The following RABGAP1L variants were observed in gnomAD, a reference collection of about 807,000 sequenced individuals.
The protein encoded by RABGAP1L is RAB GTPase activating protein 1 like.
In RABGAP1L, 63 loss-of-function variants were observed where a neutral mutation model predicts 137.7. The ratio of observed to expected loss-of-function variants is 0.46; its 90% confidence interval spans 0.37 to 0.56. The LOEUF (loss-of-function observed/expected upper bound fraction) is 0.56, where lower values mean the gene tolerates loss of function less well. Among genes scored for constraint, RABGAP1L ranks in the 20% least tolerant of loss-of-function variants. RABGAP1L has a pLI of 0.00. For missense variants in RABGAP1L, 1,095 were observed against 1,244.0 expected, an observed-to-expected ratio of 0.88 and a Z score of 1.80; for synonymous variants, 431 against 433.7, an observed-to-expected ratio of 0.99 and a Z score of 0.08.
chr1:174,581,325 G>T (rs910592751), intron 13 of RABGAP1L, among the ~76,000 whole-genome samples: 1 of 152,142 alleles, frequency 6.6e-6, no homozygotes, highest in African/African-American at 2.4e-5. Flanking sequence ...CATCCAAAAC[G>T]TTATAGTCAT....
chr1:174,889,364 C>T (rs148580005), intron 19 of RABGAP1L, among the ~76,000 whole-genome samples: 9 of 152,064 alleles, frequency 5.9e-5, no homozygotes, highest in East Asian at 1.9e-4. Context: ...CCTTGTGGTC[C>T]GCCCGCCTCA....
chr1:174,163,964 A>G (rs1221496388), intron 1 of RABGAP1L, among the ~76,000 whole-genome samples: 1 of 152,172 alleles, frequency 6.6e-6, no homozygotes, highest in Non-Finnish European at 1.5e-5. Flanking sequence ...TGATTGGGAA[A>G]CATCAGGCAT....
chr1:174,809,184 A>ATG (rs546497325), intron 18 of RABGAP1L, among the ~76,000 whole-genome samples: 6 of 152,166 alleles, frequency 3.9e-5, no homozygotes, highest in Non-Finnish European at 7.3e-5. Flanking sequence ...TGGTTGCCAG[A>ATG]TCTCTTCTCT....
In RABGAP1L at chr1:174,168,353, G is replaced by GTT. The variant is rs1340053922; in HGVS notation, c.-34+8697_-34+8698dup. Among the ~76,000 whole-genome samples the GTT allele has an allele frequency of 2.6e-5, 4 of 151,628 alleles. No individual in the cohort carries two copies. The East Asian group carries it at 7.7e-4, about 29-fold the overall frequency. On this transcript the variant is annotated intron_variant, in intron 1 of 25. Coordinates refer to ENST00000681986, the MANE Select transcript of RABGAP1L (RefSeq NM_001366446.1). ...TTGAAAAATCAACCATTGAAGGGAGGTTATATATATATTGGCAGACAGTAG... is the reference window on the plus strand; with the variant it reads ...TTGAAAAATCAACCATTGAAGGGAGGTTTTATATATATATTGGCAGACAGTAG...
chr1:174,198,526 T>G (rs185723081), intron 1 of RABGAP1L, among the ~76,000 whole-genome samples: 15 of 152,312 alleles, frequency 9.8e-5, no homozygotes, highest in African/African-American at 3.4e-4. Flanking sequence ...AGTATTTAGA[T>G]TTATTTGATT....
At chr1:174,234,675 T>A (rs1226963458) in intron 4 of RABGAP1L, among the ~76,000 whole-genome samples, 2 of 151,288 alleles carry the variant, frequency 1.3e-5, no homozygotes, top group African/African-American at 2.4e-5. Context: ...TGTAGCCTTG[T>A]AGTATAGTTT....
rs1391122638 is a variant in RABGAP1L at position 174,377,935 on chromosome 1, C to G, written c.1559+6863C>G. On this transcript the variant is annotated intron_variant, in intron 12 of 25. Coordinates refer to ENST00000681986, the MANE Select transcript of RABGAP1L (RefSeq NM_001366446.1). ...TATCTCCCAATGCTATCCCTCCCCC[C>G]TCCCCCCACCCCACAACAGTCCCCA... is the stretch of plus-strand genomic sequence containing the variant. Among the ~76,000 whole-genome samples, 4 of 90,560 alleles carry G rather than the reference C, an allele frequency of 4.4e-5. 1 individual carries two copies. Among genetic ancestry groups the G allele is most frequent in the African/African-American group, 2.1e-4 (4 of 18,986 alleles). 59.4% of individuals were successfully genotyped at this position (90,560 alleles called of 152,430 possible). A position where few individuals can be genotyped will look rare whatever the true frequency, so the allele number is the denominator to read the frequency against.
intron 13 of RABGAP1L, among the ~76,000 whole-genome samples, chr1:174,401,052 A>G (rs1443313922): frequency 6.6e-6 from 1 of 152,096 alleles, no homozygotes; most frequent in African/African-American, 2.4e-5. Context: ...ACCAACTGAT[A>G]ACCTCAATCT....
At chr1:174,494,726 C>A (rs1286418174) in intron 13 of RABGAP1L, among the ~76,000 whole-genome samples, 1 of 152,134 alleles carries the variant, frequency 6.6e-6, no homozygotes, top group African/African-American at 2.4e-5. Flanking sequence ...CATATTTGCT[C>A]CGACTCTACC....
chr1:174,837,947 A>G (rs1320492292), intron 19 of RABGAP1L, among the ~76,000 whole-genome samples: 1 of 152,208 alleles, frequency 6.6e-6, no homozygotes, highest in Non-Finnish European at 1.5e-5. Context: ...TCTGCTAGGT[A>G]TACTAGTGCT....
intron 19 of RABGAP1L, among the ~76,000 whole-genome samples, chr1:174,885,692 G>T (rs969504914): frequency 1.3e-4 from 19 of 151,906 alleles, no homozygotes; most frequent in Non-Finnish European, 2.6e-4. Flanking sequence ...TTAAGACCAG[G>T]CGTAGTTGCT....
chr1:174,254,180 C>T (rs887920650), intron 7 of RABGAP1L, among the ~76,000 whole-genome samples: 2 of 152,050 alleles, frequency 1.3e-5, no homozygotes, highest in Non-Finnish European at 2.9e-5. Flanking sequence ...AAGTTTTATT[C>T]AGCATCTTGG....
At chr1:174,901,783 G>A (rs151237101) in intron 19 of RABGAP1L, among the ~76,000 whole-genome samples, 1 of 152,248 alleles carries the variant, frequency 6.6e-6, no homozygotes, top group African/African-American at 2.4e-5. Flanking sequence ...TAGCATTTTT[G>A]CATTGATCGT....
chr1:174,913,581 T>C (rs1320908507), intron 19 of RABGAP1L, among the ~76,000 whole-genome samples: 1 of 152,204 alleles, frequency 6.6e-6, no homozygotes, highest in Admixed American at 6.5e-5. Flanking sequence ...ACTTCTATAG[T>C]AGAGAAAAGG....
chr1:174,931,989 G>GTT (rs1558247691), intron 19 of RABGAP1L, among the ~76,000 whole-genome samples: 4 of 94,162 alleles, frequency 4.2e-5, no homozygotes, highest in African/African-American at 4.4e-5. Context: ...CTGCTTTTTT[G>GTT]GTTTTTTTTT....
At chr1:174,871,290 C>T (rs540667342) in intron 19 of RABGAP1L, among the ~76,000 whole-genome samples, 66 of 152,118 alleles carry the variant, frequency 4.3e-4, no homozygotes, top group Non-Finnish European at 6.9e-4. Flanking sequence ...TATGCCACCA[C>T]GCCTAGATAA....
chr1:174,965,003 T>G, intron 20 of RABGAP1L: 2 of 1,406,948 alleles, frequency 1.4e-6, no homozygotes, highest in Non-Finnish European at 1.9e-6. Flanking sequence ...TTTTTTTTAA[T>G]CTATGTATGT....
At chr1:174,517,069 C>G (rs1662934291) in intron 13 of RABGAP1L, among the ~76,000 whole-genome samples, 1 of 151,792 alleles carries the variant, frequency 6.6e-6, no homozygotes, top group African/African-American at 2.4e-5. Flanking sequence ...ATCAATTATT[C>G]CAAAGAGAAA....
chr1:174,355,752 T>G (rs1683579679), intron 11 of RABGAP1L, among the ~76,000 whole-genome samples: 2 of 152,314 alleles, frequency 1.3e-5, no homozygotes, highest in East Asian at 3.9e-4. Context: ...TATTAATCAC[T>G]TATGCTTAGC....
Sources: allele counts gnomAD v4.1 joint callset (sites outside exome capture counted in the v4.1 genomes callset), GRCh38; gene constraint gnomAD v4.1.1; transcripts MANE v1.5; gene names NCBI Gene and HGNC (gene_info 2026-07-23, HGNC 2026-07-21).